CDH8: variants seen among roughly 807,000 people sequenced by gnomAD.
The protein encoded by CDH8 is cadherin-8.
CDH8 carries 17 observed loss-of-function variants against 68.1 expected under a neutral mutation model. That is an observed-to-expected ratio of 0.25 (90% CI 0.17 to 0.37). The LOEUF is 0.37. Ranked by LOEUF, CDH8 falls within the 10% of genes least tolerant of loss-of-function variation. CDH8 has a pLI of 1.00. For synonymous variants in CDH8, 372 were observed against 365.1 expected (o/e 1.02, Z -0.21); for missense variants, 763 against 999.3 (o/e 0.76, Z 3.19).
At chr16:61,779,423 T>TG (rs1960985086) in intron 8 of CDH8, among the ~76,000 whole-genome samples, 2 of 64,118 alleles carry the variant, frequency 3.1e-5, no homozygotes, top group African/African-American at 1.1e-4. Context: ...TAATGTTCGT[T>TG]TATGTGTGTG....
chr16:61,884,372 T>A (rs886311144), intron 3 of CDH8, among the ~76,000 whole-genome samples: 1 of 151,292 alleles, frequency 6.6e-6, no homozygotes, highest in South Asian at 2.1e-4. Context: ...ACCTTTCTTA[T>A]GATTTTTTTT....
At position 61,648,705 on chromosome 16, in the gene CDH8, C is replaced by T. The variant is rs1273600584; in HGVS notation, c.*4903G>A. 6.6e-6 allele frequency: 1 copy of T among 151,822 alleles called. No individual in the cohort carries two copies. Among genetic ancestry groups the T allele is most frequent in the Non-Finnish European group, 1.5e-5 (1 of 67,886 alleles). 9.4% of individuals were successfully genotyped at this position (151,822 alleles called of 1,614,324 possible). ...GTTTGAGAATGCTACTGTATTTAAT[C>T]TTTCTGTATCAACCATGTAGCTTAA... is the stretch of plus-strand genomic sequence containing the variant. On this transcript the variant is annotated 3_prime_UTR_variant, in exon 12 of 12. Coordinates refer to ENST00000577390, the MANE Select transcript of CDH8 (RefSeq NM_001796.5).
At chr16:61,745,870 G>C (rs1410463590) in intron 8 of CDH8, among the ~76,000 whole-genome samples, 4 of 151,524 alleles carry the variant, frequency 2.6e-5, no homozygotes, top group African/African-American at 9.7e-5. Flanking sequence ...ACTCCTCTTT[G>C]GCAGCATTTC....
intron 3 of CDH8, among the ~76,000 whole-genome samples, chr16:61,861,692 T>C (rs1963152906): frequency 6.6e-6 from 1 of 152,210 alleles, no homozygotes; most frequent in Non-Finnish European, 1.5e-5. Flanking sequence ...GAACATTTCT[T>C]TTACATTTCA....
intron 8 of CDH8, among the ~76,000 whole-genome samples, chr16:61,783,436 G>A (rs1207476542): frequency 6.6e-6 from 1 of 151,450 alleles, no homozygotes; most frequent in Non-Finnish European, 1.5e-5. Flanking sequence ...ATGGGACTAT[G>A]TGAAAAGACC....
rs553636486 is a variant in CDH8, at chr16:61,653,763, A to G, written c.2245T>C (p.Tyr749His). 5 of 1,614,180 alleles carry G rather than the reference A, an allele frequency of 3.1e-6. No homozygotes were observed. The highest frequency in any genetic ancestry group is 2.2e-5 in the East Asian group (1 of 44,876). ...PPYDSIQIYG[Y>H]EGRGSVAGSL... is the part of the protein sequence containing the mutation. ...CCAGCCACTGACCCTCGGCCTTCAT[A>G]GCCATATATCTGAATGGAGTCATAT... Residue 749 changes from tyrosine (Y) to histidine (H), a missense_variant, in exon 12 of 12, where the codon TAT becomes CAT. Transcript: ENST00000577390.
intron 2 of CDH8, among the ~76,000 whole-genome samples, chr16:61,977,385 C>T (rs1016825066): frequency 6.6e-6 from 1 of 152,118 alleles, no homozygotes; most frequent in Middle Eastern, 3.2e-3. Context: ...CAACATTTCT[C>T]CAAGACCATT....
At chr16:61,773,385 T>C (rs1160211606) in intron 8 of CDH8, among the ~76,000 whole-genome samples, 1 of 152,118 alleles carries the variant, frequency 6.6e-6, no homozygotes, top group Non-Finnish European at 1.5e-5. Flanking sequence ...AGCCATGTCT[T>C]GTTTTTTAAG....
chr16:62,007,261 C>G (rs980190412), intron 2 of CDH8, among the ~76,000 whole-genome samples: 19 of 152,208 alleles, frequency 1.2e-4, no homozygotes, highest in African/African-American at 4.6e-4. Context: ...AAGGGCTTAC[C>G]CATATACCTT....
intron 2 of CDH8, among the ~76,000 whole-genome samples, chr16:61,981,656 G>T (rs1346416275): frequency 6.7e-6 from 1 of 148,936 alleles, no homozygotes; most frequent in Non-Finnish European, 1.5e-5. Flanking sequence ...GAATGTGTGT[G>T]TGTGTGTGTG....
At chr16:61,714,848 G>A (rs1964693974) in intron 9 of CDH8, among the ~76,000 whole-genome samples, 1 of 151,518 alleles carries the variant, frequency 6.6e-6, no homozygotes, top group Admixed American at 6.6e-5. Context: ...ATGTTCTCAG[G>A]TTTATGATAT....
At chr16:61,876,824 T>C (rs2143091719) in intron 3 of CDH8, among the ~76,000 whole-genome samples, 1 of 152,138 alleles carries the variant, frequency 6.6e-6, no homozygotes, top group South Asian at 2.1e-4. Context: ...TTATCCTAGA[T>C]TTAATGGAAA....
intron 2 of CDH8, among the ~76,000 whole-genome samples, chr16:61,910,995 T>C (rs1183957055): frequency 1.3e-5 from 2 of 152,164 alleles, no homozygotes; most frequent in Admixed American, 1.3e-4. Context: ...TGGAAGGTTT[T>C]ATTTCTTGTT....
chr16:61,682,606 T>A (rs1964034241), intron 10 of CDH8, among the ~76,000 whole-genome samples: 1 of 151,906 alleles, frequency 6.6e-6, no homozygotes. Flanking sequence ...CATGGTGTTT[T>A]TCCTCAATTA....
At chr16:62,010,748 G>A (rs1901788187) in intron 2 of CDH8, among the ~76,000 whole-genome samples, 2 of 151,982 alleles carry the variant, frequency 1.3e-5, no homozygotes, top group Admixed American at 6.6e-5. Flanking sequence ...AGACCAGCCT[G>A]ACCAACATGG....
chr16:61,803,440 T>A lies in CDH8; in HGVS notation c.1278-13958A>T, dbSNP rs374301504. ...GCAAAATCACCAGCTAACATCATAA[T>A]GACAGGATCAAATTCACACATAACA... is the stretch of plus-strand genomic sequence containing the variant. On this transcript the variant is annotated intron_variant, in intron 7 of 11. Transcript: ENST00000577390. Among the ~76,000 whole-genome samples, 200 of 140,496 alleles carry A rather than the reference T, an allele frequency of 1.4e-3. 6 individuals are homozygous for A. In the East Asian group the frequency reaches 0.022, roughly 15 times the overall value. 92.2% of individuals were successfully genotyped at this position (140,496 alleles called of 152,430 possible). A position where few individuals can be genotyped will look rare whatever the true frequency, so the allele number is the denominator to read the frequency against.
chr16:61,988,678 A>C (rs533166783), intron 2 of CDH8, among the ~76,000 whole-genome samples: 1 of 152,242 alleles, frequency 6.6e-6, no homozygotes, highest in East Asian at 1.9e-4. Context: ...AATTACAGGA[A>C]AAAACAAGTT....
At chr16:61,989,246 C>T (rs543124272) in intron 2 of CDH8, among the ~76,000 whole-genome samples, 18 of 152,208 alleles carry the variant, frequency 1.2e-4, no homozygotes, top group East Asian at 7.7e-4. Flanking sequence ...GCAAGGGTAA[C>T]GACATGCTTT....
At position 61,655,687 on chromosome 16, in the gene CDH8, T is replaced by C; in HGVS notation, c.1689A>G (p.Gly563=). ...NSLSILAKHN[G]FNRQKQEVYL... is the part of the protein sequence containing the mutation. ...AGACTTCTTGCTTCTGGCGGTTGAA[T>C]CCATTATGCTTTGCCAAAATACTGA... The change falls in exon 11 of 12, where the codon GGA becomes GGG. Residue 563 remains glycine (G), a synonymous_variant. Transcript: ENST00000577390. The C allele has an allele frequency of 6.2e-7, 1 of 1,614,004 alleles. No individual in the cohort carries two copies. Among genetic ancestry groups the C allele is most frequent in the Non-Finnish European group, 8.5e-7 (1 of 1,179,904 alleles).
Sources: gnomAD v4.1 joint callset for allele counts (sites outside exome capture counted in the v4.1 genomes callset) on GRCh38, gnomAD v4.1.1 for gene constraint, MANE v1.5 for transcripts, NCBI Gene and HGNC (gene_info 2026-07-23, HGNC 2026-07-21) for gene names.